Variants in FARP2 observed in about 807,000 individuals in gnomAD.
The protein encoded by FARP2 is FERM, ARHGEF and pleckstrin domain-containing protein 2.
In FARP2, 111 loss-of-function variants were observed where a neutral mutation model predicts 130.5. That is an observed-to-expected ratio of 0.85 (90% CI 0.73 to 1.00). The LOEUF (loss-of-function observed/expected upper bound fraction) is 1.00, where lower values mean the gene tolerates loss of function less well. Ranked by LOEUF, FARP2 falls within the 50% of genes least tolerant of loss-of-function variation. The probability of loss-of-function intolerance (pLI) is 0.00; values close to 1 mark genes in which losing one functional copy is unlikely to be tolerated. For synonymous variants in FARP2, 504 were observed against 516.9 expected, an observed-to-expected ratio of 0.98 and a Z score of 0.34; for missense variants, 1,385 against 1,346.3, an observed-to-expected ratio of 1.03 and a Z score of -0.45.
chr2:241,417,488 A>C (rs1349925676), intron 7 of FARP2, among the ~76,000 whole-genome samples: 2 of 151,922 alleles, frequency 1.3e-5, no homozygotes, highest in African/African-American at 4.8e-5. Flanking sequence ...ACGCCTGGCT[A>C]ATTTTTGTAT....
At chr2:241,466,277 G>A (rs1376618440) in intron 17 of FARP2, 2 of 985,320 alleles carry the variant, frequency 2.0e-6, no homozygotes, top group African/African-American at 1.7e-5. Flanking sequence ...GTGGAGTGGT[G>A]AGTCCCGGAG....
At chr2:241,421,829 T>A (rs2062816203) in intron 8 of FARP2, among the ~76,000 whole-genome samples, 1 of 152,106 alleles carries the variant, frequency 6.6e-6, no homozygotes, top group Non-Finnish European at 1.5e-5. Flanking sequence ...CTGGAGCAAC[T>A]CCCAGCAAAC....
Position 241,465,765 on chromosome 2 carries a change from T to C in FARP2, c.1893+1785T>C, listed in dbSNP as rs1053104387. On this transcript the variant is annotated intron_variant, in intron 17 of 26. Coordinates refer to ENST00000264042, the MANE Select transcript of FARP2 (RefSeq NM_014808.4). ...CCACAGTGACGACGACGACTCAAGC[T>C]CCCCCTCCTCCATCCCTCGCCTGTC... 9.4e-5 allele frequency: 146 copies of C among 1,550,024 alleles called. 1 individual carries two copies. The highest frequency in any genetic ancestry group is 1.2e-4 in the Non-Finnish European group (142 of 1,146,896).
At chr2:241,408,452 A>G (rs1574760793) in intron 5 of FARP2, among the ~76,000 whole-genome samples, 1 of 151,886 alleles carries the variant, frequency 6.6e-6, no homozygotes, top group African/African-American at 2.4e-5. Context: ...CTGAGGCAGG[A>G]GAATCTGTTG....
chr2:241,395,976 T>C (rs917104669), intron 2 of FARP2: 1 of 152,226 alleles, frequency 6.6e-6, no homozygotes, highest in South Asian at 2.1e-4. Context: ...CTACAAATTA[T>C]CTATTTTTAT....
intron 13 of FARP2, chr2:241,442,332 C>T (rs765453232): frequency 3.5e-5 from 16 of 456,610 alleles, no homozygotes; most frequent in Non-Finnish European, 6.6e-5. Flanking sequence ...TAGAGCAGCT[C>T]AGCTACCCAC....
rs2063380800 is a variant in FARP2, at chr2:241,441,443, A to G, written c.1298A>G (p.Gln433Arg). ...AGCAGCAGCTCCCTCACAGATCCCC[A>G]GGTTTCCTACGTCAAGAGTCCAGCT... ...KDSSSSLTDP[Q>R]VSYVKSPAAE... The change falls in exon 13 of 27, where the codon CAG (glutamine) becomes CGG (arginine). Residue 433 changes from glutamine to arginine, a missense_variant. Transcript: ENST00000264042. 6.2e-7 allele frequency: 1 copy of G among 1,614,174 alleles called. No individual in the cohort carries two copies. Among genetic ancestry groups the G allele is most frequent in the South Asian group, 1.1e-5 (1 of 91,092 alleles).
chr2:241,493,276 C>G lies in FARP2; in HGVS notation c.2896-17C>G. On this transcript the variant is annotated splice_polypyrimidine_tract_variant and intron_variant, in intron 25 of 26. Transcript: ENST00000264042. ...CAACCCAGCCCCTGGAACCCGTGTCCCTATGCTGTCTTGCAGGATGACTAC... is the reference window on the plus strand; with the variant it reads ...CAACCCAGCCCCTGGAACCCGTGTCGCTATGCTGTCTTGCAGGATGACTAC... 1.9e-6 allele frequency: 3 copies of G among 1,612,926 alleles called. No individual in the cohort carries two copies. The highest frequency in any genetic ancestry group is 2.5e-6 in the Non-Finnish European group (3 of 1,179,618).
At chr2:241,422,571 GACC>G (rs2062839149) in intron 8 of FARP2, among the ~76,000 whole-genome samples, 1 of 152,104 alleles carries the variant, frequency 6.6e-6, no homozygotes, top group African/African-American at 2.4e-5. Context: ...TCCTCCAAAT[GACC>G]ACAATACCTC....
chr2:241,373,165 GC>G lies in FARP2; in HGVS notation c.61del (p.Gln21ArgfsTer28), dbSNP rs753937117. 9 of 1,563,212 alleles carry G rather than the reference GC, an allele frequency of 5.8e-6. No individual in the cohort carries two copies. The highest frequency in any genetic ancestry group is 7.8e-6 in the Non-Finnish European group (9 of 1,147,692). ...GCAGACTGCAGGGATGCGCTTGGGTGCCCAGACCCCTGTGGGAGTTAGCACC... is the reference window on the plus strand; with the variant it reads ...GCAGACTGCAGGGATGCGCTTGGGTGCCAGACCCCTGTGGGAGTTAGCACC... ...VLQTAGMRLG[A>X]QTPVGVSTLE... On this transcript the variant is annotated frameshift_variant, in exon 2 of 27. Coordinates refer to ENST00000264042, the MANE Select transcript of FARP2 (RefSeq NM_014808.4). LOFTEE classifies it high-confidence loss of function.
intron 19 of FARP2, among the ~76,000 whole-genome samples, chr2:241,481,008 C>T (rs780223049): frequency 4.2e-5 from 6 of 144,324 alleles, no homozygotes; most frequent in Non-Finnish European, 6.0e-5. Flanking sequence ...CACTTGAGGC[C>T]AGGAGATTGA....
intron 18 of FARP2, among the ~76,000 whole-genome samples, chr2:241,470,316 C>T (rs916520006): frequency 1.4e-4 from 21 of 152,230 alleles, no homozygotes; most frequent in African/African-American, 5.1e-4. Context: ...CATGCACCTG[C>T]TCTGCCTACT....
At chr2:241,461,577 C>A (rs1330043293) in intron 14 of FARP2, among the ~76,000 whole-genome samples, 1 of 152,234 alleles carries the variant, frequency 6.6e-6, no homozygotes, top group Non-Finnish European at 1.5e-5. Flanking sequence ...CTCCTCTGCT[C>A]TGCGTTATGT....
chr2:241,463,116 A>G (rs536292078), intron 15 of FARP2, among the ~76,000 whole-genome samples: 183 of 152,340 alleles, frequency 1.2e-3, no homozygotes, highest in African/African-American at 4.2e-3. Flanking sequence ...ATAAAGCTGC[A>G]AAGTGTCCAT....
At chr2:241,465,459 G>GGT (rs1378652541) in intron 17 of FARP2, 1 of 1,550,386 alleles carries the variant, frequency 6.5e-7, no homozygotes, top group South Asian at 1.2e-5. Flanking sequence ...TTTTCTTTCA[G>GGT]GTGTTCCAGC....
rs748966598 is a variant in FARP2 at position 241,491,186 on chromosome 2, G to C, written c.2623+7G>C. The C allele has an allele frequency of 6.3e-7, 1 of 1,598,122 alleles. No homozygotes were observed. The highest frequency in any genetic ancestry group is 8.6e-7 in the Non-Finnish European group (1 of 1,166,216). ...GTGTGCACTCGTCCCCCCAGTGAGTGCTGGCCACAACCCCCCAGGAGACCT... is the reference window on the plus strand; with the variant it reads ...GTGTGCACTCGTCCCCCCAGTGAGTCCTGGCCACAACCCCCCAGGAGACCT... On this transcript the variant is annotated splice_region_variant and intron_variant, in intron 23 of 26. Transcript: ENST00000264042.
intron 1 of FARP2, among the ~76,000 whole-genome samples, chr2:241,356,765 G>A (rs2061078164): frequency 6.6e-6 from 1 of 152,236 alleles, no homozygotes. Flanking sequence ...CAGGGCCGTG[G>A]GCCGGGGAGT....
chr2:241,426,743 A>C (rs1334768631), intron 8 of FARP2, among the ~76,000 whole-genome samples: 1 of 152,172 alleles, frequency 6.6e-6, no homozygotes, highest in Non-Finnish European at 1.5e-5. Flanking sequence ...GAATATGAAA[A>C]TGAAAACAGT....
In FARP2 at chr2:241,434,195, G is replaced by C. The variant is rs753632692; in HGVS notation, c.905G>C (p.Ser302Thr). The C allele has an allele frequency of 1.4e-5, 22 of 1,613,580 alleles. No homozygotes were observed. Among genetic ancestry groups the C allele is most frequent in the Non-Finnish European group, 5.1e-6 (6 of 1,179,742 alleles). ...GACACATTAGAATTTTTGTTGGGTA[G>C]TAGAGATGAATGTAAGAACTTCTGG... ...YQDTLEFLLGSRDECKNFWKI... is the reference protein window; with the variant it reads ...YQDTLEFLLGTRDECKNFWKI... Residue 302 changes from serine to threonine, a missense_variant, in exon 10 of 27, where the codon AGT becomes ACT. Ser to Thr is a moderately conservative substitution (Grantham distance 58). Coordinates refer to ENST00000264042, the MANE Select transcript of FARP2 (RefSeq NM_014808.4).
Sources: gnomAD v4.1 joint callset for allele counts (sites outside exome capture counted in the v4.1 genomes callset) on GRCh38, gnomAD v4.1.1 for gene constraint, MANE v1.5 for transcripts, NCBI Gene and HGNC (gene_info 2026-07-23, HGNC 2026-07-21) for gene names.